IL15RA: variants seen among roughly 807,000 people sequenced by gnomAD.
The protein encoded by IL15RA is interleukin 15 receptor subunit alpha.
Under a neutral mutation model 24.2 loss-of-function variants are expected in IL15RA, and 26 were observed. That is an observed-to-expected ratio of 1.07 (90% confidence interval 0.79 to 1.49). The LOEUF is 1.49. IL15RA is among the 40% of genes most tolerant of loss of function. The pLI, the probability that IL15RA is intolerant of heterozygous loss-of-function variation, is 0.00. For missense variants in IL15RA, 354 were observed against 356.4 expected (o/e 0.99, Z 0.05); for synonymous variants, 166 against 157.6 (o/e 1.05, Z -0.40).
Position 5,954,621 on chromosome 10 carries a change from A to T in IL15RA, c.693-1415T>A, listed in dbSNP as rs188632846. 5.3e-5 allele frequency among the ~76,000 whole-genome samples: 8 copies of T among 152,200 alleles called. No homozygotes were observed. In the East Asian group the frequency reaches 1.3e-3, roughly 26 times the overall value. ...GATATCTTTCATATAGCCAGTAAAT[A>T]TTGCTATTTTCCTCTTATGAACATA... On this transcript the variant is annotated intron_variant, in intron 6 of 6. Transcript: ENST00000379977.
In IL15RA at chr10:5,969,564, A is replaced by G. The variant is rs1190551083; in HGVS notation, c.89-3225T>C. On this transcript the variant is annotated intron_variant, in intron 1 of 6. Coordinates refer to ENST00000379977, the MANE Select transcript of IL15RA (RefSeq NM_002189.4). ...GTTATTATTTTTTTAATTTGTAGAGATGAGGTCTTGCTATGTTGCTCAGGC... is the reference window on the plus strand; with the variant it reads ...GTTATTATTTTTTTAATTTGTAGAGGTGAGGTCTTGCTATGTTGCTCAGGC... 2.6e-5 allele frequency among the ~76,000 whole-genome samples: 4 copies of G among 152,076 alleles called. No individual in the cohort carries two copies. In the East Asian group the frequency reaches 7.7e-4, roughly 29 times the overall value.
Position 5,964,441 on chromosome 10 carries a change from TACAGGTGTAAGCC to T in IL15RA, c.284-613_284-601del, listed in dbSNP as rs1259041359. 2.6e-5 allele frequency among the ~76,000 whole-genome samples: 4 copies of T among 152,158 alleles called. No individual in the cohort carries two copies. The highest frequency in any genetic ancestry group is 9.7e-5 in the African/African-American group (4 of 41,440). ...TCTCGGCCTCCCAAAGTGCTGGGAT[TACAGGTGTAAGCC>T]ACCATACCTGGCTTACATTTCACTT... On this transcript the variant is annotated intron_variant, in intron 2 of 6. Coordinates refer to ENST00000379977, the MANE Select transcript of IL15RA (RefSeq NM_002189.4). The surrounding 1 kb of genome is among the most constrained non-coding windows in gnomAD (Gnocchi z 5.6).
rs1236882206 is a variant in IL15RA, at chr10:5,964,969, G to A, written c.284-1128C>T. On this transcript the variant is annotated intron_variant, in intron 2 of 6. Coordinates refer to ENST00000379977, the MANE Select transcript of IL15RA (RefSeq NM_002189.4). The surrounding 1 kb of genome is among the most constrained non-coding windows in gnomAD (Gnocchi z 5.6). ...TGCCTGTGTGACTCGCTCTGTTCTG[G>A]GGGAGGAGGCTGAGCTACCACTACC... is the stretch of plus-strand genomic sequence containing the variant. Among the ~76,000 whole-genome samples the A allele has an allele frequency of 6.6e-6, 1 of 152,192 alleles. No homozygotes were observed. The highest frequency in any genetic ancestry group is 1.9e-4 in the East Asian group (1 of 5,196).
At chr10:5,977,696 C>G (rs1838683325), upstream of IL15RA, 3 of 1,206,740 alleles carry the variant, frequency 2.5e-6, no homozygotes, top group Non-Finnish European at 3.1e-6. Flanking sequence ...GGAAGGAGCC[C>G]CGCCGGCCGC....
Position 5,961,166 on chromosome 10 carries a change from T to C in IL15RA, c.383-599A>G, listed in dbSNP as rs1050422153. On this transcript the variant is annotated intron_variant, in intron 3 of 6. Transcript: ENST00000379977. This position sits in a 1 kb window ranked among gnomAD's most constrained non-coding sequence, Gnocchi z 5.2. ...CTGACCTTAGGTGATCCACCCACCT[T>C]GGCCTCCCAAAGTGCTGGGATTACG... Among the ~76,000 whole-genome samples, 2 of 152,118 alleles carry C rather than the reference T, an allele frequency of 1.3e-5. No homozygotes were observed. The highest frequency in any genetic ancestry group is 4.8e-5 in the African/African-American group (2 of 41,420).
downstream of IL15RA, among the ~76,000 whole-genome samples, chr10:5,949,710 T>A (rs1013107671): frequency 6.6e-6 from 1 of 152,118 alleles, no homozygotes; most frequent in African/African-American, 2.4e-5. The surrounding 1 kb of genome is among the most constrained non-coding windows in gnomAD (Gnocchi z 4.4). Flanking sequence ...AGATATATTT[T>A]AAAAAGTTAG....
rs971145449 is a variant in IL15RA, at chr10:5,977,498, C to T, written c.-6G>A. The T allele has an allele frequency of 6.7e-6, 9 of 1,350,884 alleles. No individual in the cohort carries two copies. In the Admixed American group the frequency reaches 1.1e-4, roughly 16 times the overall value. 83.7% of individuals were successfully genotyped at this position (1,350,884 alleles called of 1,614,324 possible). On this transcript the variant is annotated 5_prime_UTR_variant, in exon 1 of 7. Coordinates refer to ENST00000379977, the MANE Select transcript of IL15RA (RefSeq NM_002189.4). ...CGCGCCCGCCGCGGGGCCATGGCGG[C>T]AGCTCCACAGGACACCGCTGGACTC...
Position 5,960,541 on chromosome 10 carries a change from T to C in IL15RA, c.409A>G (p.Asn137Asp), listed in dbSNP as rs1346823015. 6.2e-7 allele frequency: 1 copy of C among 1,613,960 alleles called. No homozygotes were observed. Among genetic ancestry groups the C allele is most frequent in the Non-Finnish European group, 8.5e-7 (1 of 1,180,014 alleles). Residue 137 changes from asparagine to aspartate, a missense_variant, in exon 4 of 7, where the codon AAC becomes GAC. By Grantham distance (23) the Asn-to-Asp change is conservative. Transcript: ENST00000379977. This position sits in a 1 kb window ranked among gnomAD's most constrained non-coding sequence, Gnocchi z 5.1. Reference protein sequence around the residue: ...KEPAASSPSSNNTAATTAAIV... With the variant: ...KEPAASSPSSDNTAATTAAIV... ...GCTGCTGTTGTGGCCGCTGTGTTGT[T>C]TGAGCTGGGAGATGAAGCTGCGGGC...
rs879633441 is a variant in IL15RA at position 5,955,260 on chromosome 10, C to T, written c.692+1119G>A. On this transcript the variant is annotated intron_variant, in intron 6 of 6. Coordinates refer to ENST00000379977, the MANE Select transcript of IL15RA (RefSeq NM_002189.4). This position sits in a 1 kb window ranked among gnomAD's most constrained non-coding sequence, Gnocchi z 5.3. ...CATTACAGGCATGCACCACCATGGCCTGCTTATTTTGTATTTTTAGTAGAG... is the reference window on the plus strand; with the variant it reads ...CATTACAGGCATGCACCACCATGGCTTGCTTATTTTGTATTTTTAGTAGAG... 1.3e-5 allele frequency among the ~76,000 whole-genome samples: 2 copies of T among 151,988 alleles called. No individual in the cohort carries two copies. The highest frequency in any genetic ancestry group is 2.4e-5 in the African/African-American group (1 of 41,350).
In IL15RA at chr10:5,952,892, G is replaced by A; in HGVS notation, c.*203C>T. ...GGTCCAAGGCACGACAGGCAGGCAGGTGGTGCCCATGGGAATGCGGAGAAC... is the reference window on the plus strand; with the variant it reads ...GGTCCAAGGCACGACAGGCAGGCAGATGGTGCCCATGGGAATGCGGAGAAC... On this transcript the variant is annotated 3_prime_UTR_variant, in exon 7 of 7. Coordinates refer to ENST00000379977, the MANE Select transcript of IL15RA (RefSeq NM_002189.4). 1.7e-6 allele frequency: 1 copy of A among 606,012 alleles called. No individual in the cohort carries two copies. The highest frequency in any genetic ancestry group is 2.0e-5 in the South Asian group (1 of 49,190). The allele number at this position is 606,012 out of a possible 1,614,324, so 37.5% of individuals were successfully genotyped here. A position where few individuals can be genotyped will look rare whatever the true frequency, so the allele number is the denominator to read the frequency against.
chr10:5,974,247 G>T (rs933628672), intron 1 of IL15RA, among the ~76,000 whole-genome samples: 1 of 152,084 alleles, frequency 6.6e-6, no homozygotes, highest in Non-Finnish European at 1.5e-5. Context: ...TGATCTGCCC[G>T]CGTTGGCCTC....
rs1020754322 is a variant in IL15RA, at chr10:5,961,348, G to A, written c.383-781C>T. 2.0e-5 allele frequency among the ~76,000 whole-genome samples: 3 copies of A among 152,148 alleles called. No homozygotes were observed. Among genetic ancestry groups the A allele is most frequent in the African/African-American group, 7.2e-5 (3 of 41,438 alleles). ...TAGCCTAGGAGTTTGAGGCTGCAGT[G>A]ACCTATAATTGAGCCATTGCACTCT... On this transcript the variant is annotated intron_variant, in intron 3 of 6. Transcript: ENST00000379977. This position sits in a 1 kb window ranked among gnomAD's most constrained non-coding sequence, Gnocchi z 5.2.
At chr10:5,951,528 T>G (rs1300342390), downstream of IL15RA, among the ~76,000 whole-genome samples, 2 of 152,152 alleles carry the variant, frequency 1.3e-5, no homozygotes, top group Non-Finnish European at 2.9e-5. Flanking sequence ...TTACTTTTGT[T>G]TTTTAAAAAA....
At chr10:5,950,155 G>A (rs574000090), downstream of IL15RA, among the ~76,000 whole-genome samples, 1 of 152,184 alleles carries the variant, frequency 6.6e-6, no homozygotes, top group Admixed American at 6.5e-5. The surrounding 1 kb of genome is among the most constrained non-coding windows in gnomAD (Gnocchi z 5.6). Flanking sequence ...AAGGTGAAGA[G>A]TAATCCTTTT....
At position 5,973,922 on chromosome 10, in the gene IL15RA, A is replaced by C. The variant is rs1311197000; in HGVS notation, c.88+3483T>G. On this transcript the variant is annotated intron_variant, in intron 1 of 6. Coordinates refer to ENST00000379977, the MANE Select transcript of IL15RA (RefSeq NM_002189.4). The surrounding 1 kb of genome is among the most constrained non-coding windows in gnomAD (Gnocchi z 4.5). Reference sequence around the variant, plus strand: ...AAAATATTTGCAAATCATATACCTGATTAGGGCCTCGTATCCAGAATATAT... The same window carrying C: ...AAAATATTTGCAAATCATATACCTGCTTAGGGCCTCGTATCCAGAATATAT... Among the ~76,000 whole-genome samples, 1 of 152,128 alleles carries C rather than the reference A, an allele frequency of 6.6e-6. No individual in the cohort carries two copies. Among genetic ancestry groups the C allele is most frequent in the Non-Finnish European group, 1.5e-5 (1 of 68,026 alleles).
In IL15RA at chr10:5,965,145, G is replaced by A. The variant is rs1224712654; in HGVS notation, c.283+1000C>T. On this transcript the variant is annotated intron_variant, in intron 2 of 6. Coordinates refer to ENST00000379977, the MANE Select transcript of IL15RA (RefSeq NM_002189.4). The surrounding 1 kb of genome is among the most constrained non-coding windows in gnomAD (Gnocchi z 5.8). ...GAGAGAAGCCTGCAGAGGTGGGCCT[G>A]AGTGTTCCAGAAACAGCTCCAAGTG... 6.6e-6 allele frequency among the ~76,000 whole-genome samples: 1 copy of A among 152,190 alleles called. No homozygotes were observed. The highest frequency in any genetic ancestry group is 2.4e-5 in the African/African-American group (1 of 41,462).
intron 6 of IL15RA, 149 bp downstream of exon 6, chr10:5,956,230 G>T (rs1834494045): frequency 4.7e-6 from 3 of 632,926 alleles, no homozygotes; most frequent in East Asian, 5.6e-5. Flanking sequence ...GGCCAGGCTG[G>T]TCTCAAACTC....
intron 5 of IL15RA, 51 bp from the exon 6 acceptor site, chr10:5,956,505 C>T (rs750355312): frequency 3.6e-5 from 49 of 1,366,684 alleles, no homozygotes; most frequent in East Asian, 1.6e-4. Context: ...TTCATTGCTA[C>T]GAACCACAAA....
chr10:5,965,610 T>A lies in IL15RA; in HGVS notation c.283+535A>T, dbSNP rs921053463. 1.3e-5 allele frequency among the ~76,000 whole-genome samples: 2 copies of A among 152,242 alleles called. No homozygotes were observed. Among genetic ancestry groups the A allele is most frequent in the African/African-American group, 4.8e-5 (2 of 41,464 alleles). On this transcript the variant is annotated intron_variant, in intron 2 of 6. Coordinates refer to ENST00000379977, the MANE Select transcript of IL15RA (RefSeq NM_002189.4). The surrounding 1 kb of genome is among the most constrained non-coding windows in gnomAD (Gnocchi z 5.8). ...AATATCACAAGAGCTGCCCAAGGCC[T>A]CCTGGGTGGTAGGCGGCAAAGCCAG...
Sources: gnomAD v4.1 joint callset for allele counts (sites outside exome capture counted in the v4.1 genomes callset) on GRCh38, gnomAD v4.1.1 for gene constraint, Gnocchi (gnomAD v3.1) non-coding constraint, MANE v1.5 for transcripts, NCBI Gene and HGNC (gene_info 2026-07-23, HGNC 2026-07-21) for gene names.